LUC7L2: variants seen among roughly 807,000 people sequenced by gnomAD.
LUC7L2 encodes the protein LUC7 like 2, pre-mRNA splicing factor, also known as putative RNA-binding protein Luc7-like 2.
A neutral mutation model predicts 52.8 loss-of-function variants in LUC7L2; 25 were observed. The ratio of observed to expected loss-of-function variants is 0.47; its 90% CI spans 0.34 to 0.66. LUC7L2 has a LOEUF of 0.66. Among genes scored for constraint, LUC7L2 ranks in the 30% least tolerant of loss-of-function variants. The probability of loss-of-function intolerance (pLI) is 0.01; values close to 1 mark genes in which losing one functional copy is unlikely to be tolerated. For synonymous variants in LUC7L2, 144 were observed against 160.9 expected (o/e 0.89, Z 0.80); for missense variants, 328 against 497.8 (o/e 0.66, Z 3.25).
intron 2 of LUC7L2, among the ~76,000 whole-genome samples, chr7:139,395,997 G>A (rs1303433050): frequency 2.6e-5 from 4 of 152,024 alleles, no homozygotes; most frequent in East Asian, 3.8e-4. Flanking sequence ...CTAAGAGTCC[G>A]AAGGAAGAAA....
At chr7:139,350,239 A>G (rs1016446598) in intron 1 of LUC7L2, among the ~76,000 whole-genome samples, 1 of 151,924 alleles carries the variant, frequency 6.6e-6, no homozygotes, top group Non-Finnish European at 1.5e-5. Context: ...CTCCTGCCTC[A>G]GCCTCCTGAG....
chr7:139,412,455 A>AT, intron 7 of LUC7L2, 96 bp from the exon 8 acceptor site: 1 of 1,435,454 alleles, frequency 7.0e-7, no homozygotes, highest in Non-Finnish European at 9.4e-7. Context: ...TATAAAATTA[A>AT]TGTAAACATT....
intron 6 of LUC7L2, among the ~76,000 whole-genome samples, chr7:139,409,317 A>C (rs1039755635): frequency 1.3e-5 from 2 of 149,930 alleles, no homozygotes; most frequent in African/African-American, 5.1e-5. Context: ...AAAAAACAAA[A>C]AAAAAAACCA....
chr7:139,407,191 T>C lies in LUC7L2; in HGVS notation c.528T>C (p.Ser176=), dbSNP rs1320107416. The C allele has an allele frequency of 4.3e-6, 7 of 1,610,104 alleles. No homozygotes were observed. In the South Asian group the frequency reaches 6.7e-5, roughly 15 times the overall value. Residue 176 remains serine, a synonymous_variant, in exon 6 of 10, where the codon TCT becomes TCC. Transcript: ENST00000354926. ...TTGTTTAGGAAGTTTATCGGAATTC[T>C]ATGCCAGCTTCCAGTTTTCAGCAGC... ...KREAEEVYRN[S]MPASSFQQQK...
chr7:139,374,323 T>C (rs1800602611), intron 1 of LUC7L2: 4 of 1,029,854 alleles, frequency 3.9e-6, no homozygotes, highest in Non-Finnish European at 5.9e-6. Context: ...CATGTACTTC[T>C]AGATGCTGTA....
chr7:139,341,099 C>A, intron 1 of LUC7L2: 2 of 333,696 alleles, frequency 6.0e-6, no homozygotes, highest in Non-Finnish European at 1.0e-5. Flanking sequence ...CGGGCATCTT[C>A]AATGACGCAG....
At chr7:139,420,696 G>T (rs1194375704) in intron 9 of LUC7L2, among the ~76,000 whole-genome samples, 3 of 152,174 alleles carry the variant, frequency 2.0e-5, no homozygotes, top group African/African-American at 4.8e-5. Flanking sequence ...TTGGCATCTA[G>T]TGTCTTTTTA....
At chr7:139,360,749 G>T (rs563254443) in intron 1 of LUC7L2, among the ~76,000 whole-genome samples, 67 of 152,250 alleles carry the variant, frequency 4.4e-4, no homozygotes, top group Non-Finnish European at 9.4e-4. Flanking sequence ...AGAGTACCTA[G>T]AGAGAAGCTT....
At chr7:139,357,685 A>T (rs1052952737), upstream of LUC7L2, among the ~76,000 whole-genome samples, 2 of 148,402 alleles carry the variant, frequency 1.3e-5, no homozygotes, top group African/African-American at 5.1e-5. Flanking sequence ...AGATAACTTG[A>T]TTCAAAATAA....
At chr7:139,384,200 A>G (rs1404523144) in intron 2 of LUC7L2, among the ~76,000 whole-genome samples, 1 of 152,200 alleles carries the variant, frequency 6.6e-6, no homozygotes, top group Non-Finnish European at 1.5e-5. Context: ...TTATTTAACT[A>G]AGATTAAAAT....
At chr7:139,341,979 C>T (rs922729310) in intron 1 of LUC7L2, among the ~76,000 whole-genome samples, 4 of 152,140 alleles carry the variant, frequency 2.6e-5, no homozygotes, top group African/African-American at 7.2e-5. Context: ...CTTTTTGAGG[C>T]GGAAAAGAAC....
intron 1 of LUC7L2, among the ~76,000 whole-genome samples, chr7:139,344,504 C>A (rs991153209): frequency 2.0e-5 from 3 of 151,830 alleles, no homozygotes; most frequent in Non-Finnish European, 2.9e-5. Flanking sequence ...ACATGATAAT[C>A]CTTTTATTTT....
intron 2 of LUC7L2, among the ~76,000 whole-genome samples, chr7:139,395,226 C>G (rs149148083): frequency 2.6e-5 from 4 of 152,294 alleles, no homozygotes; most frequent in Non-Finnish European, 5.9e-5. Context: ...AAGACAATGA[C>G]AGCATCCTTC....
At position 139,368,791 on chromosome 7, in the gene LUC7L2, T is replaced by C. The variant is rs545392664; in HGVS notation, c.62-7271T>C. ...AAAGCATTACAAATAAAGTCTTTTG[T>C]GGTCCCCTTCACCGTCTCAGTCCTT... On this transcript the variant is annotated intron_variant, in intron 1 of 9. Coordinates refer to ENST00000354926, the MANE Select transcript of LUC7L2 (RefSeq NM_016019.5). Among the ~76,000 whole-genome samples, 9 of 152,090 alleles carry C rather than the reference T, an allele frequency of 5.9e-5. No homozygotes were observed. The South Asian group carries it at 1.7e-3, about 28-fold the overall frequency.
At chr7:139,347,224 A>G (rs757169985) in intron 1 of LUC7L2, among the ~76,000 whole-genome samples, 2 of 152,192 alleles carry the variant, frequency 1.3e-5, no homozygotes, top group Non-Finnish European at 2.9e-5. Flanking sequence ...TACACATTGC[A>G]TGTATTAAAT....
intron 1 of LUC7L2, among the ~76,000 whole-genome samples, chr7:139,366,199 C>T (rs934741271): frequency 4.6e-5 from 7 of 152,204 alleles, no homozygotes; most frequent in Non-Finnish European, 7.3e-5. Context: ...TCAGTATTGA[C>T]CCATATGTTC....
chr7:139,419,575 T>G (rs1348050875), intron 9 of LUC7L2, among the ~76,000 whole-genome samples: 1 of 152,236 alleles, frequency 6.6e-6, no homozygotes, highest in Non-Finnish European at 1.5e-5. Flanking sequence ...TTTAGACATT[T>G]TCCTGTGTCA....
intron 2 of LUC7L2, among the ~76,000 whole-genome samples, chr7:139,388,354 A>G (rs1794296742): frequency 6.6e-6 from 1 of 152,028 alleles, no homozygotes; most frequent in South Asian, 2.1e-4. Context: ...TTACTTTGGG[A>G]AAAATAGGTT....
Position 139,404,382 on chromosome 7 carries a change from G to A in LUC7L2, c.367-1262G>A, listed in dbSNP as rs1272157796. Reference sequence around the variant, plus strand: ...AAATTAGCCAGGCATGGTGGTGCACGCCTGTAATCTCAGCTACGTGGGAGG... The same window carrying A: ...AAATTAGCCAGGCATGGTGGTGCACACCTGTAATCTCAGCTACGTGGGAGG... On this transcript the variant is annotated intron_variant, in intron 4 of 9. Coordinates refer to ENST00000354926, the MANE Select transcript of LUC7L2 (RefSeq NM_016019.5). Among the ~76,000 whole-genome samples, 8 of 152,280 alleles carry A rather than the reference G, an allele frequency of 5.3e-5. No homozygotes were observed. In the East Asian group the frequency reaches 1.5e-3, roughly 29 times the overall value.
Sources: gnomAD v4.1 joint callset for allele counts (sites outside exome capture counted in the v4.1 genomes callset) on GRCh38, gnomAD v4.1.1 for gene constraint, MANE v1.5 for transcripts, NCBI Gene and HGNC (gene_info 2026-07-23, HGNC 2026-07-21) for gene names.